CNTNAP2: variants seen among roughly 807,000 people sequenced by gnomAD.
CNTNAP2 encodes the protein contactin associated protein 2, also known as contactin-associated protein-like 2.
Under a neutral mutation model 155.2 loss-of-function variants are expected in CNTNAP2, and 98 were observed. The ratio of observed to expected loss-of-function variants is 0.63; its 90% confidence interval spans 0.54 to 0.75. The LOEUF (loss-of-function observed/expected upper bound fraction) is 0.75. CNTNAP2 is among the 30% of genes least tolerant of loss of function. The probability of loss-of-function intolerance (pLI) is 0.00; values close to 1 mark genes in which losing one functional copy is unlikely to be tolerated. For synonymous variants in CNTNAP2, 651 were observed against 631.2 expected, an observed-to-expected ratio of 1.03 and a Z score of -0.47; for missense variants, 1,727 against 1,688.1, an observed-to-expected ratio of 1.02 and a Z score of -0.40.
At chr7:146,852,784 T>C (rs867768790) in intron 3 of CNTNAP2, among the ~76,000 whole-genome samples, 33 of 152,178 alleles carry the variant, frequency 2.2e-4, no homozygotes, top group Admixed American at 2.6e-4. Flanking sequence ...CAGGTTTCAT[T>C]AGTTCTCCCA....
chr7:147,753,198 A>C (rs148865189), intron 13 of CNTNAP2, among the ~76,000 whole-genome samples: 1 of 152,334 alleles, frequency 6.6e-6, no homozygotes, highest in Non-Finnish European at 1.5e-5. Flanking sequence ...TCAGAGAAGA[A>C]GACTGGCATA....
rs1212258001 is a variant in CNTNAP2 at position 147,868,044 on chromosome 7, T to C, written c.2099-35521T>C. 2.0e-5 allele frequency among the ~76,000 whole-genome samples: 3 copies of C among 151,444 alleles called. No individual in the cohort carries two copies. The East Asian group carries it at 5.8e-4, about 29-fold the overall frequency. On this transcript the variant is annotated intron_variant, in intron 13 of 23. Coordinates refer to ENST00000361727, the MANE Select transcript of CNTNAP2 (RefSeq NM_014141.6). ...AGAAGAGGTGCTCTGATTTTTAGAA[T>C]TTTCGGTTTTTCTGCTCTGGTTTCT...
chr7:148,118,405 GAGCAGGACTAGAGGTGGACACACA>G, intron 16 of CNTNAP2, 117 bp downstream of exon 16: 1 of 1,151,778 alleles, frequency 8.7e-7, no homozygotes, highest in South Asian at 1.3e-5. Context: ...TTTGTTCCAG[GAGCAGGACTAGAGGTGGACACACA>G]AGCCTGAGTT....
At chr7:146,840,874 A>G (rs980080904) in intron 3 of CNTNAP2, among the ~76,000 whole-genome samples, 8 of 152,258 alleles carry the variant, frequency 5.3e-5, no homozygotes, top group African/African-American at 1.4e-4. Context: ...ATAATAAAAA[A>G]TGTGTCTACT....
intron 3 of CNTNAP2, among the ~76,000 whole-genome samples, chr7:146,931,866 A>G (rs1028010323): frequency 1.1e-4 from 16 of 152,060 alleles, no homozygotes; most frequent in Admixed American, 4.6e-4. Context: ...TGACACATAC[A>G]CCCTCCCAAG....
intron 20 of CNTNAP2, among the ~76,000 whole-genome samples, chr7:148,266,154 A>T (rs1796663510): frequency 1.3e-5 from 2 of 152,236 alleles, no homozygotes; most frequent in Non-Finnish European, 2.9e-5. Flanking sequence ...GTGCTTTCTT[A>T]TAACCCGCAC....
intron 1 of CNTNAP2, among the ~76,000 whole-genome samples, chr7:146,658,244 G>A (rs1337811933): frequency 6.6e-6 from 1 of 152,086 alleles, no homozygotes; most frequent in Non-Finnish European, 1.5e-5. Flanking sequence ...TAGAATGGCA[G>A]CACATTAAAT....
intron 1 of CNTNAP2, among the ~76,000 whole-genome samples, chr7:146,544,723 A>T (rs917618): frequency 0.62 from 93,932 of 151,166 alleles, 30,009 homozygotes; most frequent in African/African-American, 0.72. Flanking sequence ...GAAGGAGTTG[A>T]TATTAAGCAG....
At chr7:147,120,576 A>G (rs1204731229) in intron 5 of CNTNAP2, among the ~76,000 whole-genome samples, 5 of 152,144 alleles carry the variant, frequency 3.3e-5, no homozygotes, top group Non-Finnish European at 7.4e-5. Flanking sequence ...CTTTGAACAT[A>G]AAGTATTTTT....
intron 11 of CNTNAP2, among the ~76,000 whole-genome samples, chr7:147,507,940 C>T (rs1798941400): frequency 6.6e-6 from 1 of 152,134 alleles, no homozygotes; most frequent in African/African-American, 2.4e-5. Flanking sequence ...CTCTGCTTCT[C>T]AGTATACTTC....
intron 9 of CNTNAP2, chr7:147,378,208 C>T (rs6951143): frequency 0.18 from 53,006 of 286,874 alleles, 5,880 homozygotes; most frequent in Non-Finnish European, 0.24. Flanking sequence ...ATTCAATCTA[C>T]CTTTCAGTTT....
At chr7:147,893,092 A>G (rs1799719730) in intron 13 of CNTNAP2, among the ~76,000 whole-genome samples, 1 of 152,256 alleles carries the variant, frequency 6.6e-6, no homozygotes. Context: ...TGGCTTATAT[A>G]TTAACATAGA....
intron 1 of CNTNAP2, among the ~76,000 whole-genome samples, chr7:146,754,955 G>C (rs553697762): frequency 1.2e-3 from 179 of 151,950 alleles, no homozygotes; most frequent in African/African-American, 4.1e-3. Context: ...TCAAGTCCAG[G>C]AGAAAACCTG....
chr7:146,252,383 A>G (rs1359728985), intron 1 of CNTNAP2, among the ~76,000 whole-genome samples: 1 of 152,086 alleles, frequency 6.6e-6, no homozygotes, highest in South Asian at 2.1e-4. Flanking sequence ...CCAGTTTCCT[A>G]CTGGACAGAG....
At chr7:147,457,625 T>C (rs978147894) in intron 10 of CNTNAP2, among the ~76,000 whole-genome samples, 2 of 152,160 alleles carry the variant, frequency 1.3e-5, no homozygotes, top group Middle Eastern at 6.8e-3. Context: ...AACTGTTATC[T>C]GCCATATGAT....
Position 146,140,095 on chromosome 7 carries a change from G to A in CNTNAP2, c.97+23122G>A, listed in dbSNP as rs140148424. On this transcript the variant is annotated intron_variant, in intron 1 of 23. Transcript: ENST00000361727. ...GTCCCTCCCACCCTTTCATTTGCTT[G>A]ACTGGCTTCTTTGTATCAGACTATG... Among the ~76,000 whole-genome samples the A allele has an allele frequency of 2.4e-4, 37 of 152,134 alleles. 1 individual carries two copies. The highest frequency in any genetic ancestry group is 8.4e-4 in the African/African-American group (35 of 41,528).
intron 1 of CNTNAP2, among the ~76,000 whole-genome samples, chr7:146,726,538 A>C (rs1018929279): frequency 1.3e-5 from 2 of 152,156 alleles, no homozygotes; most frequent in African/African-American, 4.8e-5. Flanking sequence ...TAGGTGGGCA[A>C]TTAGATGAAC....
At chr7:147,315,585 C>A (rs1220758391) in intron 9 of CNTNAP2, among the ~76,000 whole-genome samples, 1 of 150,732 alleles carries the variant, frequency 6.6e-6, no homozygotes, top group Non-Finnish European at 1.5e-5. Context: ...GGGTTCACGC[C>A]ATTCTCCTGC....
At chr7:146,516,385 T>C (rs2129136490) in intron 1 of CNTNAP2, among the ~76,000 whole-genome samples, 1 of 152,120 alleles carries the variant, frequency 6.6e-6, no homozygotes, top group Non-Finnish European at 1.5e-5. Context: ...TTTTAATGCT[T>C]CCAATGGTCT....
Sources: gnomAD v4.1 joint callset for allele counts (sites outside exome capture counted in the v4.1 genomes callset) on GRCh38, gnomAD v4.1.1 for gene constraint, MANE v1.5 for transcripts, NCBI Gene and HGNC (gene_info 2026-07-23, HGNC 2026-07-21) for gene names.